CEP128: variants seen among roughly 807,000 people sequenced by gnomAD.
The protein encoded by CEP128 is centrosomal protein 128kDa.
In CEP128, 132 loss-of-function variants were observed where a neutral mutation model predicts 156.7. The observed-to-expected ratio is 0.84, with a 90% confidence interval of 0.73 to 0.97. The LOEUF (loss-of-function observed/expected upper bound fraction) is 0.97, where lower values mean the gene tolerates loss of function less well. Ranked by LOEUF, CEP128 falls within the 50% of genes least tolerant of loss-of-function variation. The probability of loss-of-function intolerance (pLI) is 0.00; values close to 1 mark genes in which losing one functional copy is unlikely to be tolerated. For missense variants in CEP128, 1,252 were observed against 1,281.9 expected (o/e 0.98, Z 0.36); for synonymous variants, 469 against 448.9 (o/e 1.04, Z -0.57).
chr14:80,911,717 A>G (rs7153979), intron 4 of CEP128, among the ~76,000 whole-genome samples: 105,847 of 151,680 alleles, frequency 0.7, 38,376 homozygotes, highest in African/African-American at 0.91. Flanking sequence ...TAATTAGAAC[A>G]ATGCCTGAGG....
Position 80,952,693 on chromosome 14 carries a change from T to C in CEP128, c.-172+5485A>G, listed in dbSNP as rs570131793. Among the ~76,000 whole-genome samples, 6 of 151,146 alleles carry C rather than the reference T, an allele frequency of 4.0e-5. No homozygotes were observed. The South Asian group carries it at 1.3e-3, about 32-fold the overall frequency. On this transcript the variant is annotated intron_variant, in intron 2 of 7. Coordinates refer to the CEP128 transcript ENST00000555529. The stretch of plus-strand genomic sequence containing the variant: ...CAATGAAATAGAGCACAAAAAAAAA[T>C]AGAGAATCTAAGAAACAAAAATTTG...
At chr14:80,580,590 G>A (rs907272068) in intron 19 of CEP128, among the ~76,000 whole-genome samples, 167 bp from the exon 20 acceptor site, 6 of 152,166 alleles carry the variant, frequency 3.9e-5, no homozygotes, top group Admixed American at 2.0e-4. Flanking sequence ...GATCCCAACT[G>A]AGGACATGGC....
intron 19 of CEP128, among the ~76,000 whole-genome samples, chr14:80,662,238 T>G (rs1895431322): frequency 6.6e-6 from 1 of 152,194 alleles, no homozygotes. Context: ...GAAAAGTGGC[T>G]GATTTACATG....
chr14:80,566,062 A>G (rs552092037), intron 20 of CEP128, among the ~76,000 whole-genome samples: 1 of 152,332 alleles, frequency 6.6e-6, no homozygotes, highest in East Asian at 1.9e-4. Flanking sequence ...CTTAGGGACC[A>G]TGATGGACAT....
At chr14:80,819,841 A>G (rs972712517) in intron 13 of CEP128, among the ~76,000 whole-genome samples, 1 of 152,138 alleles carries the variant, frequency 6.6e-6, no homozygotes, top group Non-Finnish European at 1.5e-5. Flanking sequence ...ACCAAACTCA[A>G]TTCTTAACAG....
chr14:80,905,391 A>C (rs1883830337), intron 5 of CEP128: 1 of 156,054 alleles, frequency 6.4e-6, no homozygotes, highest in Non-Finnish European at 1.4e-5. Context: ...CAACAGTAAT[A>C]TTAACGATGT....
chr14:80,864,104 T>A (rs1417908113), intron 8 of CEP128, among the ~76,000 whole-genome samples: 1 of 152,192 alleles, frequency 6.6e-6, no homozygotes, highest in Non-Finnish European at 1.5e-5. Context: ...TAATGAATGG[T>A]AAATGTATTT....
At chr14:80,795,321 A>G (rs1192076492) in intron 13 of CEP128, among the ~76,000 whole-genome samples, 1 of 151,938 alleles carries the variant, frequency 6.6e-6, no homozygotes, top group Admixed American at 6.6e-5. Context: ...CAGCTATTAC[A>G]CCCTCTTCCT....
chr14:80,532,951 T>C (rs1174682911), intron 21 of CEP128, among the ~76,000 whole-genome samples: 2 of 152,192 alleles, frequency 1.3e-5, no homozygotes, highest in African/African-American at 2.4e-5. Context: ...CAAGTTCCAT[T>C]GAAAGGATTT....
At chr14:80,802,364 G>A (rs1883921112) in intron 13 of CEP128, among the ~76,000 whole-genome samples, 1 of 152,194 alleles carries the variant, frequency 6.6e-6, no homozygotes, top group South Asian at 2.1e-4. Context: ...GCCATAAAAA[G>A]GAATGAGATC....
At chr14:80,910,505 G>A (rs756479629) in intron 4 of CEP128, among the ~76,000 whole-genome samples, 1 of 152,040 alleles carries the variant, frequency 6.6e-6, no homozygotes, top group Admixed American at 6.6e-5. Context: ...CTCCTACTCC[G>A]GCCATGTGAT....
chr14:80,931,324 T>C (rs1396052437), intron 2 of CEP128, among the ~76,000 whole-genome samples: 3 of 152,192 alleles, frequency 2.0e-5, no homozygotes, highest in South Asian at 2.1e-4. Flanking sequence ...TATGAGTCTA[T>C]GCACTGTGTC....
chr14:80,543,305 A>G (rs1201798100), intron 21 of CEP128, among the ~76,000 whole-genome samples: 1 of 152,228 alleles, frequency 6.6e-6, no homozygotes, highest in Non-Finnish European at 1.5e-5. Context: ...ACTATCAGGT[A>G]TATCTTAAAA....
intron 14 of CEP128, 116 bp downstream of exon 14, chr14:80,792,644 A>T: frequency 1.3e-6 from 1 of 793,344 alleles, no homozygotes; most frequent in South Asian, 1.7e-5. Context: ...GGATTCGTCT[A>T]TCAAGGACAT....
At chr14:80,638,480 AG>A (rs1315268142) in intron 19 of CEP128, among the ~76,000 whole-genome samples, 1 of 152,194 alleles carries the variant, frequency 6.6e-6, no homozygotes, top group Non-Finnish European at 1.5e-5. Flanking sequence ...CGATGTGCGT[AG>A]GGCTCTGTAG....
At chr14:80,572,445 T>C (rs113223406) in intron 20 of CEP128, among the ~76,000 whole-genome samples, 1 of 152,344 alleles carries the variant, frequency 6.6e-6, no homozygotes, top group African/African-American at 2.4e-5. Context: ...ATTCTCATTG[T>C]TATCCAGAGA....
In CEP128 at chr14:80,941,671, A is replaced by C. The variant is rs1886167369; in HGVS notation, c.-262T>G. 4 of 152,846 alleles carry C rather than the reference A, an allele frequency of 2.6e-5. No homozygotes were observed. The highest frequency in any genetic ancestry group is 2.0e-4 in the Admixed American group (3 of 15,268). 9.5% of individuals were successfully genotyped at this position (152,846 alleles called of 1,614,324 possible). ...CGGCTACCAGTGACCCAGAAGGTGC[A>C]ACTGACCAAACGCAGCGACTCAACC... is the stretch of plus-strand genomic sequence containing the variant. On this transcript the variant is annotated 5_prime_UTR_variant, in exon 1 of 25. Transcript: ENST00000555265.
rs199727793 is a variant in CEP128 at position 80,532,202 on chromosome 14, T to TA, written c.2881-1317_2881-1316insT. On this transcript the variant is annotated intron_variant, in intron 21 of 24. Coordinates refer to ENST00000555265, the MANE Select transcript of CEP128 (RefSeq NM_152446.5). ...TCAATTATGAGTATATATATATATATTTTTTTTCTGAGACAGGGTCTCGCT... is the reference window on the plus strand; with the variant it reads ...TCAATTATGAGTATATATATATATATATTTTTTTCTGAGACAGGGTCTCGCT... Among the ~76,000 whole-genome samples, 107 of 150,010 alleles carry TA rather than the reference T, an allele frequency of 7.1e-4. 1 individual carries two copies. Among genetic ancestry groups the TA allele is most frequent in the East Asian group, 3.3e-3 (17 of 5,160 alleles).
At chr14:80,908,666 C>T (rs984944733) in intron 4 of CEP128, among the ~76,000 whole-genome samples, 1 of 152,150 alleles carries the variant, frequency 6.6e-6, no homozygotes, top group Non-Finnish European at 1.5e-5. Flanking sequence ...TTTTCAGACA[C>T]CTTTTATATT....
Sources: allele counts gnomAD v4.1 joint callset (sites outside exome capture counted in the v4.1 genomes callset), GRCh38; gene constraint gnomAD v4.1.1; transcripts MANE v1.5; gene names NCBI Gene and HGNC (gene_info 2026-07-23, HGNC 2026-07-21).